Variants in TBL1XR1 observed in about 807,000 individuals in gnomAD.
The protein encoded by TBL1XR1 is F-box-like/WD repeat-containing protein TBL1XR1.
A neutral mutation model predicts 66.9 loss-of-function variants in TBL1XR1; 5 were observed. The ratio of observed to expected loss-of-function variants is 0.07; its 90% CI spans 0.04 to 0.16. The LOEUF (loss-of-function observed/expected upper bound fraction) is 0.16. TBL1XR1 is among the 10% of genes least tolerant of loss of function. The pLI, the probability that TBL1XR1 is intolerant of heterozygous loss-of-function variation, is 1.00. For missense variants in TBL1XR1, 238 were observed against 623.2 expected, an observed-to-expected ratio of 0.38 and a Z score of 6.58; for synonymous variants, 210 against 206.0, an observed-to-expected ratio of 1.02 and a Z score of -0.17.
chr3:177,143,426 A>G (rs994114725), intron 1 of TBL1XR1, among the ~76,000 whole-genome samples: 6 of 152,208 alleles, frequency 3.9e-5, no homozygotes, highest in African/African-American at 1.4e-4. Context: ...ATATTAATTT[A>G]TGTCAACCAC....
rs143278042 is a variant in TBL1XR1, at chr3:177,139,628, C to T, written c.-121-41087G>A. 1.0e-4 allele frequency among the ~76,000 whole-genome samples: 15 copies of T among 148,404 alleles called. 1 individual carries two copies. In the East Asian group the frequency reaches 1.4e-3, roughly 14 times the overall value. On this transcript the variant is annotated intron_variant, in intron 1 of 15. Transcript: ENST00000457928. ...CAAATTCATTTGCCTAGAATATAAA[C>T]GTTTCCCAGAAAGTAAAGCAAAAAA... is the stretch of plus-strand genomic sequence containing the variant.
At chr3:177,037,018 C>G (rs574657780) in intron 12 of TBL1XR1, among the ~76,000 whole-genome samples, 86 of 152,270 alleles carry the variant, frequency 5.6e-4, no homozygotes, top group African/African-American at 2.0e-3. Context: ...AGGTGCGAGA[C>G]AGCAGTTTTG....
At chr3:177,176,756 A>G (rs1734204787) in intron 1 of TBL1XR1, among the ~76,000 whole-genome samples, 1 of 152,082 alleles carries the variant, frequency 6.6e-6, no homozygotes, top group Admixed American at 6.5e-5. Flanking sequence ...CAGAGGTTGC[A>G]GTGAGCCAAG....
chr3:177,189,549 G>A (rs1440397725), intron 1 of TBL1XR1, among the ~76,000 whole-genome samples: 1 of 151,850 alleles, frequency 6.6e-6, no homozygotes, highest in Non-Finnish European at 1.5e-5. Flanking sequence ...CAGCTACTTG[G>A]GAGGCTAAGG....
intron 2 of TBL1XR1, among the ~76,000 whole-genome samples, chr3:177,087,979 C>T (rs948794859): frequency 4.6e-5 from 7 of 152,010 alleles, no homozygotes; most frequent in Non-Finnish European, 7.4e-5. Flanking sequence ...TTAACATTAC[C>T]GTGTTAAACA....
At chr3:177,173,189 A>T (rs1308896122) in intron 1 of TBL1XR1, among the ~76,000 whole-genome samples, 1 of 152,050 alleles carries the variant, frequency 6.6e-6, no homozygotes, top group Non-Finnish European at 1.5e-5. Flanking sequence ...CTCCATCTCA[A>T]ACAAAACAAA....
intron 1 of TBL1XR1, among the ~76,000 whole-genome samples, chr3:177,107,711 G>A (rs944638617): frequency 2.0e-5 from 3 of 152,086 alleles, no homozygotes; most frequent in South Asian, 4.1e-4. Context: ...ATCATGAAAC[G>A]AAACTACCTT....
chr3:177,188,501 T>C (rs1296309469), intron 1 of TBL1XR1, among the ~76,000 whole-genome samples: 1 of 151,752 alleles, frequency 6.6e-6, no homozygotes, highest in Non-Finnish European at 1.5e-5. Context: ...GAGCCAAAAT[T>C]GCGCCATTGC....
intron 1 of TBL1XR1, among the ~76,000 whole-genome samples, chr3:177,175,483 G>A (rs531672626): frequency 6.6e-6 from 1 of 152,222 alleles, no homozygotes; most frequent in East Asian, 1.9e-4. Flanking sequence ...AATTGAGAAC[G>A]TGCCTGGAAA....
chr3:177,054,674 C>A (rs746969370), intron 3 of TBL1XR1, among the ~76,000 whole-genome samples: 5 of 152,062 alleles, frequency 3.3e-5, no homozygotes, highest in Non-Finnish European at 5.9e-5. Context: ...ATTAAAAAAT[C>A]ATAACGGTTA....
At chr3:177,173,499 G>A (rs928280773) in intron 1 of TBL1XR1, among the ~76,000 whole-genome samples, 3 of 152,086 alleles carry the variant, frequency 2.0e-5, no homozygotes, top group Admixed American at 1.3e-4. Flanking sequence ...TCAACTCTAT[G>A]GTATTGTACC....
intron 1 of TBL1XR1, among the ~76,000 whole-genome samples, chr3:177,192,297 G>A (rs1041860240): frequency 6.6e-6 from 1 of 151,194 alleles, no homozygotes; most frequent in Non-Finnish European, 1.5e-5. Context: ...CAGGAGAATC[G>A]CTTGAACCCA....
intron 9 of TBL1XR1, 60 bp downstream of exon 9, chr3:177,047,240 T>C (rs1716449451): frequency 3.6e-6 from 5 of 1,394,678 alleles, no homozygotes; most frequent in Non-Finnish European, 4.9e-6. Context: ...TAAGACAAAA[T>C]ACTGCTTTCA....
At chr3:177,190,572 C>T (rs1560283727) in intron 1 of TBL1XR1, among the ~76,000 whole-genome samples, 2 of 152,128 alleles carry the variant, frequency 1.3e-5, no homozygotes, top group Admixed American at 6.6e-5. Flanking sequence ...CCTGCCTGGG[C>T]CTCCCAAAGT....
chr3:177,144,171 G>C (rs1011535512), intron 1 of TBL1XR1, among the ~76,000 whole-genome samples: 2 of 151,920 alleles, frequency 1.3e-5, no homozygotes, highest in East Asian at 3.9e-4. Flanking sequence ...CTTGAACCCC[G>C]GGAGGCGGAG....
intron 1 of TBL1XR1, among the ~76,000 whole-genome samples, chr3:177,102,510 GATAT>G (rs570778309): frequency 6.2e-4 from 95 of 152,256 alleles, no homozygotes; most frequent in Non-Finnish European, 1.1e-3. Flanking sequence ...AAGATATAGT[GATAT>G]ACTTTACAAA....
intron 1 of TBL1XR1, among the ~76,000 whole-genome samples, chr3:177,177,730 A>C (rs1251226943): frequency 6.6e-6 from 1 of 152,216 alleles, no homozygotes; most frequent in African/African-American, 2.4e-5. Context: ...CTACCAGCTA[A>C]TCATGAAAAC....
At position 177,143,805 on chromosome 3, in the gene TBL1XR1, T is replaced by C. The variant is rs1384076520; in HGVS notation, c.-121-45264A>G. ...TCATTCAGGCTCTAACAGAATTAAA[T>C]TATCAACTGTGGTCATCTGCAATGA... On this transcript the variant is annotated intron_variant, in intron 1 of 15. Transcript: ENST00000457928. 8.0e-4 allele frequency among the ~76,000 whole-genome samples: 122 copies of C among 152,322 alleles called. No homozygotes were observed. The South Asian group carries it at 0.023, about 29-fold the overall frequency.
chr3:177,162,591 C>T (rs1015507317), intron 1 of TBL1XR1, among the ~76,000 whole-genome samples: 1 of 152,168 alleles, frequency 6.6e-6, no homozygotes, highest in African/African-American at 2.4e-5. Flanking sequence ...GGGTGGGTTA[C>T]ATGGTCAGTT....
Sources: gnomAD v4.1 joint callset for allele counts (sites outside exome capture counted in the v4.1 genomes callset) on GRCh38, gnomAD v4.1.1 for gene constraint, MANE v1.5 for transcripts, NCBI Gene and HGNC (gene_info 2026-07-23, HGNC 2026-07-21) for gene names.